The following SULT1C4 variants were observed in gnomAD, a reference collection of about 807,000 sequenced individuals.
SULT1C4 encodes sulfotransferase family 1C member 4, also known as sulfotransferase 1C4.
Under a neutral mutation model 34.8 loss-of-function variants are expected in SULT1C4, and 32 were observed. The observed-to-expected ratio is 0.92, with a 90% CI of 0.69 to 1.23. The LOEUF (loss-of-function observed/expected upper bound fraction) is 1.23. Among genes scored for constraint, SULT1C4 ranks in the 50% most tolerant of loss-of-function variants. The probability of loss-of-function intolerance (pLI) is 0.00; values close to 1 mark genes in which losing one functional copy is unlikely to be tolerated. For synonymous variants in SULT1C4, 111 were observed against 120.5 expected, an observed-to-expected ratio of 0.92 and a Z score of 0.51; for missense variants, 375 against 365.9, an observed-to-expected ratio of 1.02 and a Z score of -0.20.
rs529330661 is a variant in SULT1C4 at position 108,388,268 on chromosome 2, C to T, written c.*836C>T. Reference sequence around the variant, plus strand: ...TACATCTGTCCCCATCTCTCACTGGCGTATATATTTAACTGGACTCACTCT... The same window carrying T: ...TACATCTGTCCCCATCTCTCACTGGTGTATATATTTAACTGGACTCACTCT... On this transcript the variant is annotated 3_prime_UTR_variant, in exon 7 of 7. Coordinates refer to ENST00000272452, the MANE Select transcript of SULT1C4 (RefSeq NM_006588.4). Among the ~76,000 whole-genome samples the T allele has an allele frequency of 5.9e-5, 9 of 152,212 alleles. No homozygotes were observed. Among genetic ancestry groups the T allele is most frequent in the African/African-American group, 2.2e-4 (9 of 41,534 alleles).
At chr2:108,383,774 T>C (rs1309920197) in intron 5 of SULT1C4, among the ~76,000 whole-genome samples, 1 of 152,240 alleles carries the variant, frequency 6.6e-6, no homozygotes, top group Non-Finnish European at 1.5e-5. Flanking sequence ...TGGTGTCATT[T>C]TCTCCCTTGC....
chr2:108,381,112 C>G lies in SULT1C4; in HGVS notation c.170-650C>G, dbSNP rs183859641. ...GTTTGAAAATCATGTAGTCATTTCT[C>G]TATAGCAGATCACAATTTGGGGAGA... On this transcript the variant is annotated intron_variant, in intron 1 of 6. Transcript: ENST00000272452. Among the ~76,000 whole-genome samples the G allele has an allele frequency of 1.4e-3, 213 of 152,314 alleles. 1 individual carries two copies. The highest frequency in any genetic ancestry group is 2.2e-3 in the Admixed American group (33 of 15,306).
chr2:108,384,422 G>A (rs990107845), intron 5 of SULT1C4, among the ~76,000 whole-genome samples: 1 of 151,972 alleles, frequency 6.6e-6, no homozygotes, highest in African/African-American at 2.4e-5. Flanking sequence ...TACTAGAGAC[G>A]GGGTTTCACC....
At chr2:108,381,680 A>C (rs908777759) in intron 1 of SULT1C4, 82 bp from the exon 2 acceptor site, 97 of 1,290,932 alleles carry the variant, frequency 7.5e-5, no homozygotes, top group Non-Finnish European at 9.3e-5. Flanking sequence ...AAAGACATAG[A>C]TGTTCTAACA....
chr2:108,382,902 CAAAAAAAAAAAAA>C (rs60764322), intron 3 of SULT1C4, 178 bp from the exon 4 acceptor site: 28 of 81,236 alleles, frequency 3.4e-4, no homozygotes, highest in East Asian at 1.1e-3. Flanking sequence ...GACTCCATCT[CAAAAAAAAAAAAA>C]AAAAAAAAAA....
chr2:108,381,673 G>T, intron 1 of SULT1C4, 89 bp from the exon 2 acceptor site: 1 of 1,279,262 alleles, frequency 7.8e-7, no homozygotes, highest in Non-Finnish European at 1.0e-6. Context: ...CAAAACAAAA[G>T]ACATAGATGT....
chr2:108,386,502 TAAG>T (rs1314286630), intron 6 of SULT1C4, 130 bp downstream of exon 6: 8 of 726,654 alleles, frequency 1.1e-5, no homozygotes, highest in African/African-American at 1.8e-5. Flanking sequence ...AAGAAGTATT[TAAG>T]AAGCCACTGA....
chr2:108,378,424 A>C lies in SULT1C4; in HGVS notation c.87A>C (p.Thr29=). The change falls in exon 1 of 7, where the codon ACA becomes ACC. Residue 29 remains threonine (T), a synonymous_variant. Coordinates refer to ENST00000272452, the MANE Select transcript of SULT1C4 (RefSeq NM_006588.4). ...VNYVKGILQP[T]DTCDIWDKIW... ...ACGTGAAGGGAATTCTTCAACCGACAGACACCTGTGACATCTGGGATAAGA... is the reference window on the plus strand; with the variant it reads ...ACGTGAAGGGAATTCTTCAACCGACCGACACCTGTGACATCTGGGATAAGA... 1 of 1,614,240 alleles carries C rather than the reference A, an allele frequency of 6.2e-7. No homozygotes were observed. The highest frequency in any genetic ancestry group is 8.5e-7 in the Non-Finnish European group (1 of 1,180,028).
At chr2:108,381,726 A>G in intron 1 of SULT1C4, 36 bp from the exon 2 acceptor site, 1 of 1,360,470 alleles carries the variant, frequency 7.4e-7, no homozygotes, top group South Asian at 2.4e-5. Context: ...GTACTATACT[A>G]GATGTCTATT....
intron 6 of SULT1C4, among the ~76,000 whole-genome samples, chr2:108,386,762 T>C (rs1678578358): frequency 6.6e-6 from 1 of 152,244 alleles, no homozygotes; most frequent in Non-Finnish European, 1.5e-5. Context: ...TAGCCACTGT[T>C]TGCAGCAGTG....
In SULT1C4 at chr2:108,387,787, T is replaced by C. The variant is rs979470109; in HGVS notation, c.*355T>C. 2.4e-5 allele frequency: 4 copies of C among 169,130 alleles called. No homozygotes were observed. The highest frequency in any genetic ancestry group is 9.6e-5 in the African/African-American group (4 of 41,744). The allele number at this position is 169,130 out of a possible 1,614,324, so 10.5% of individuals were successfully genotyped here. A position where few individuals can be genotyped will look rare whatever the true frequency, so the allele number is the denominator to read the frequency against. On this transcript the variant is annotated 3_prime_UTR_variant, in exon 7 of 7. Transcript: ENST00000272452. ...TAACATTTTCAGATTAAGTTTTGGT[T>C]CAAGTTAATTTTTTTTTTTTTTTTT...
chr2:108,386,428 C>A, intron 6 of SULT1C4, 56 bp downstream of exon 6: 1 of 1,255,304 alleles, frequency 8.0e-7, no homozygotes, highest in Non-Finnish European at 1.0e-6. Context: ...TATTTTAAAG[C>A]ATTTGAGGAG....
chr2:108,384,462 C>G (rs1018960898), intron 5 of SULT1C4, among the ~76,000 whole-genome samples: 4 of 152,052 alleles, frequency 2.6e-5, no homozygotes, highest in Admixed American at 2.0e-4. Context: ...CTCCTGACCT[C>G]GTGATCTGCC....
At chr2:108,382,159 G>A (rs1002419372) in intron 2 of SULT1C4, 2 of 577,184 alleles carry the variant, frequency 3.5e-6, no homozygotes, top group African/African-American at 3.8e-5. Context: ...TGGTGAAAGG[G>A]TTTGAATTTT....
chr2:108,378,280 C>A lies in SULT1C4; in HGVS notation c.-58C>A, dbSNP rs1196347035. 2 of 1,535,300 alleles carry A rather than the reference C, an allele frequency of 1.3e-6. No homozygotes were observed. The highest frequency in any genetic ancestry group is 1.4e-5 in the African/African-American group (1 of 72,656). ...AGTGCTGCCTCTATCCACAACGCAG[C>A]CATATGCTGACTGAAGATAACTTTG... On this transcript the variant is annotated 5_prime_UTR_variant, in exon 1 of 7. Coordinates refer to ENST00000272452, the MANE Select transcript of SULT1C4 (RefSeq NM_006588.4).
At chr2:108,386,045 G>A (rs959914105) in intron 5 of SULT1C4, 147 bp from the exon 6 acceptor site, 45 of 610,450 alleles carry the variant, frequency 7.4e-5, no homozygotes, top group Non-Finnish European at 1.0e-4. Flanking sequence ...GGGTCATCAC[G>A]TTAAAATGAG....
At chr2:108,381,995 TCA>T in intron 2 of SULT1C4, 108 bp downstream of exon 2, 4 of 1,277,424 alleles carry the variant, frequency 3.1e-6, no homozygotes, top group Non-Finnish European at 3.1e-6. Context: ...TTGGTAAGTT[TCA>T]TGGTTTTGTC....
chr2:108,378,743 A>G (rs1246892861), intron 1 of SULT1C4, among the ~76,000 whole-genome samples: 7 of 105,620 alleles, frequency 6.6e-5, no homozygotes, highest in African/African-American at 2.6e-4. Context: ...TTTTTTTTTC[A>G]CTTTCCCAGG....
rs372835682 is a variant in SULT1C4, at chr2:108,387,356, C to T, written c.833C>T (p.Ala278Val). 61 of 1,613,592 alleles carry T rather than the reference C, an allele frequency of 3.8e-5. No individual in the cohort carries two copies. In the South Asian group the frequency reaches 5.2e-4, roughly 14 times the overall value. ...GACTGGAAGAAACACTTCACCGTGG[C>T]TCAGAATGAGAGATTTGATGAAGAT... Reference protein sequence around the residue: ...VGDWKKHFTVAQNERFDEDYK... With the variant: ...VGDWKKHFTVVQNERFDEDYK... Residue 278 changes from alanine to valine, a missense_variant, in exon 7 of 7, where the codon GCT becomes GTT. Physicochemically the swap from Ala to Val is moderately conservative, Grantham distance 64. Coordinates refer to ENST00000272452, the MANE Select transcript of SULT1C4 (RefSeq NM_006588.4).
Sources: allele counts gnomAD v4.1 joint callset (sites outside exome capture counted in the v4.1 genomes callset), GRCh38; gene constraint gnomAD v4.1.1; transcripts MANE v1.5; gene names NCBI Gene and HGNC (gene_info 2026-07-23, HGNC 2026-07-21).